PUDP: variants seen among roughly 807,000 people sequenced by gnomAD.
PUDP encodes the protein pseudouridine-5'-phosphatase.
In PUDP, 8 loss-of-function variants were observed where a neutral mutation model predicts 9.4. That is an observed-to-expected ratio of 0.85 (90% CI 0.50 to 1.53). The LOEUF (loss-of-function observed/expected upper bound fraction) is 1.53, where lower values mean the gene tolerates loss of function less well. PUDP is among the 40% of genes most tolerant of loss of function. The pLI, the probability that PUDP is intolerant of heterozygous loss-of-function variation, is 0.00. For missense variants in PUDP, 188 were observed against 189.7 expected, an observed-to-expected ratio of 0.99 and a Z score of 0.05; for synonymous variants, 99 against 80.7, an observed-to-expected ratio of 1.23 and a Z score of -1.22.
intron 1 of PUDP, among the ~76,000 whole-genome samples, chrX:6,993,734 T>C (rs1292357574): frequency 8.9e-6 from 1 of 112,148 alleles, no homozygotes; most frequent in Non-Finnish European, 1.9e-5. Context: ...AATAAATATG[T>C]TCAAATTTAT....
At chrX:6,914,028 G>A (rs185563543) in intron 3 of PUDP, among the ~76,000 whole-genome samples, 1,408 of 108,928 alleles carry the variant, frequency 0.013, 28 homozygotes, top group African/African-American at 0.045. Flanking sequence ...TTAGCCGGGC[G>A]TGGTGGCGGG....
At chrX:7,086,983 G>A (rs1931282662) in intron 2 of PUDP, among the ~76,000 whole-genome samples, 1 of 111,813 alleles carries the variant, frequency 8.9e-6, no homozygotes, top group African/African-American at 3.3e-5. Context: ...AAACACGACT[G>A]ACTGAGTCCG....
intron 3 of PUDP, among the ~76,000 whole-genome samples, chrX:6,968,289 C>T (rs979891074): frequency 8.9e-6 from 1 of 112,230 alleles, no homozygotes; most frequent in Non-Finnish European, 1.9e-5. Flanking sequence ...AGGTGGGATG[C>T]AGAGACGCAA....
At chrX:6,998,809 C>T (rs1434333918) in intron 1 of PUDP, among the ~76,000 whole-genome samples, 2 of 111,660 alleles carry the variant, frequency 1.8e-5, no homozygotes, top group East Asian at 5.6e-4. Flanking sequence ...AACAGATCAC[C>T]CACAGAGCTG....
intron 3 of PUDP, among the ~76,000 whole-genome samples, chrX:6,857,497 C>G (rs1254788990): frequency 3.6e-5 from 4 of 112,305 alleles, no homozygotes; most frequent in Non-Finnish European, 7.5e-5. Context: ...GCAGTGACAC[C>G]ATCAGAACTC....
At chrX:6,720,438 T>C (rs1323251059) in intron 1 of PUDP, among the ~76,000 whole-genome samples, 1 of 105,700 alleles carries the variant, frequency 9.5e-6, no homozygotes, top group East Asian at 3.0e-4. Flanking sequence ...TCACTTAGAT[T>C]TGGAATCTAA....
intron 3 of PUDP, among the ~76,000 whole-genome samples, chrX:6,756,696 T>C (rs1435570068): frequency 1.8e-5 from 2 of 112,541 alleles, no homozygotes; most frequent in Non-Finnish European, 3.7e-5. Context: ...ACGTAACAGA[T>C]GAAGAGACAG....
intron 3 of PUDP, among the ~76,000 whole-genome samples, chrX:6,769,833 G>A (rs190987761): frequency 8.9e-5 from 10 of 112,054 alleles, no homozygotes; most frequent in East Asian, 2.8e-4. Context: ...TTTTGATGGC[G>A]AGAAAATATT....
chrX:6,886,602 T>G (rs1228873268), intron 3 of PUDP, among the ~76,000 whole-genome samples: 1 of 111,599 alleles, frequency 9.0e-6, no homozygotes, highest in East Asian at 2.8e-4. Flanking sequence ...CCCTTTCTAG[T>G]GTGCTGAGTT....
At chrX:6,993,133 C>T (rs1223881730) in intron 1 of PUDP, among the ~76,000 whole-genome samples, 6 of 111,479 alleles carry the variant, frequency 5.4e-5, no homozygotes, top group Non-Finnish European at 1.1e-4. Context: ...TTGTAGACAG[C>T]CTATTGTGGG....
intron 3 of PUDP, among the ~76,000 whole-genome samples, chrX:6,877,922 G>T (rs1353681051): frequency 9.0e-6 from 1 of 111,715 alleles, no homozygotes; most frequent in Admixed American, 9.5e-5. Context: ...GGAGGTGAAG[G>T]GACAAGAACG....
chrX:7,016,991 C>A (rs1259176877), intron 1 of PUDP, among the ~76,000 whole-genome samples: 1 of 111,433 alleles, frequency 9.0e-6, no homozygotes, highest in Non-Finnish European at 1.9e-5. Context: ...TCAACTTCTG[C>A]AATGACCCCC....
rs1930053775 is a variant in PUDP, at chrX:7,050,108, C to T, written c.*188G>A. On this transcript the variant is annotated 3_prime_UTR_variant, in exon 4 of 4. Transcript: ENST00000381077. The stretch of plus-strand genomic sequence containing the variant: ...TCTGTCTCTACTGTATTTTTTGTCT[C>T]AACCGTCAAGTCACATTTTATCAAC... The T allele has an allele frequency of 9.6e-6, 4 of 416,759 alleles. No individual in the cohort carries two copies. Among genetic ancestry groups the T allele is most frequent in the Non-Finnish European group, 1.2e-5 (3 of 244,996 alleles). The allele number at this position is 416,759 out of a possible 1,213,427, so 34.3% of individuals were successfully genotyped here.
intron 1 of PUDP, among the ~76,000 whole-genome samples, chrX:7,146,312 C>T (rs762179032): frequency 3.0e-4 from 34 of 111,751 alleles, no homozygotes; most frequent in Non-Finnish European, 5.8e-4. Context: ...AGGCACCAAG[C>T]TCATTTAGAA....
intron 1 of PUDP, among the ~76,000 whole-genome samples, chrX:6,988,068 T>C (rs1161376764): frequency 8.9e-6 from 1 of 112,256 alleles, no homozygotes; most frequent in Non-Finnish European, 1.9e-5. Context: ...AAGGATACAA[T>C]GCAGGAAGAG....
intron 3 of PUDP, among the ~76,000 whole-genome samples, chrX:6,828,372 G>C (rs1420513115): frequency 1.3e-4 from 14 of 110,991 alleles, no homozygotes; most frequent in Non-Finnish European, 1.9e-5. Flanking sequence ...ATATGTGTGT[G>C]TGTGTGTGTG....
chrX:6,854,251 T>A (rs1041612619), intron 3 of PUDP, among the ~76,000 whole-genome samples: 13 of 111,976 alleles, frequency 1.2e-4, no homozygotes, highest in Non-Finnish European at 1.1e-4. Context: ...GACTACTTTT[T>A]ATCCCAGAGC....
intron 3 of PUDP, among the ~76,000 whole-genome samples, chrX:6,800,983 C>T (rs980890647): frequency 1.8e-5 from 2 of 111,646 alleles, no homozygotes; most frequent in African/African-American, 6.5e-5. Flanking sequence ...AATGCCACTG[C>T]TGCCTTCCAG....
chrX:7,080,087 T>C lies in PUDP; in HGVS notation c.281-2638A>G, dbSNP rs377195968. Among the ~76,000 whole-genome samples, 7 of 111,943 alleles carry C rather than the reference T, an allele frequency of 6.3e-5. No homozygotes were observed. In the East Asian group the frequency reaches 1.7e-3, roughly 27 times the overall value. On this transcript the variant is annotated intron_variant, in intron 2 of 3. Transcript: ENST00000381077. ...TAAATTAGTAGACTCCTAGCTAAAC[T>C]GATCAAAAAAATAAAGAAGATCCAA...
Sources: gnomAD v4.1 joint callset for allele counts (sites outside exome capture counted in the v4.1 genomes callset) on GRCh38, gnomAD v4.1.1 for gene constraint, MANE v1.5 for transcripts, NCBI Gene and HGNC (gene_info 2026-07-23, HGNC 2026-07-21) for gene names.